The following DNAH1 variants were observed in gnomAD, a reference collection of about 807,000 sequenced individuals.
The protein encoded by DNAH1 is axonemal beta dynein heavy chain 1.
In DNAH1, 327 loss-of-function variants were observed where a neutral mutation model predicts 484.3. That is an observed-to-expected ratio of 0.68 (90% CI 0.62 to 0.74). The LOEUF (loss-of-function observed/expected upper bound fraction) is 0.74, where lower values mean the gene tolerates loss of function less well. Among genes scored for constraint, DNAH1 ranks in the 30% least tolerant of loss-of-function variants. The probability of loss-of-function intolerance (pLI) is 0.00; values close to 1 mark genes in which losing one functional copy is unlikely to be tolerated. For synonymous variants in DNAH1, 2,192 were observed against 2,191.9 expected, an observed-to-expected ratio of 1.00 and a Z score of 0.00; for missense variants, 5,052 against 5,546.8, an observed-to-expected ratio of 0.91 and a Z score of 2.83.
intron 8 of DNAH1, among the ~76,000 whole-genome samples, chr3:52,337,057 A>G (rs1701765785): frequency 6.6e-6 from 1 of 152,200 alleles, no homozygotes; most frequent in Non-Finnish European, 1.5e-5. Flanking sequence ...CTTCCAGTCC[A>G]TCAGCATGGA....
In DNAH1 at chr3:52,359,322, A is replaced by G; in HGVS notation, c.4343A>G (p.Glu1448Gly). 6.4e-7 allele frequency: 1 copy of G among 1,569,448 alleles called. No homozygotes were observed. Among genetic ancestry groups the G allele is most frequent in the Non-Finnish European group, 8.6e-7 (1 of 1,156,504 alleles). Residue 1448 changes from glutamate to glycine, a missense_variant, in exon 26 of 78, where the codon GAG becomes GGG. Glu to Gly is a moderately conservative substitution (Grantham distance 98). Coordinates refer to ENST00000420323, the MANE Select transcript of DNAH1 (RefSeq NM_015512.5). ...IAGCQTYWTMEVAEALEAGNL... is the reference protein window; with the variant it reads ...IAGCQTYWTMGVAEALEAGNL... Reference sequence around the variant, plus strand: ...GGGTGCCAGACCTACTGGACCATGGAGGTGGCAGAGGCTCTGGAGGCCGGC... The same window carrying G: ...GGGTGCCAGACCTACTGGACCATGGGGGTGGCAGAGGCTCTGGAGGCCGGC...
At position 52,380,125 on chromosome 3, in the gene DNAH1, GT is replaced by G; in HGVS notation, c.7599del (p.Ser2533ArgfsTer5). ...GTCAAGTCCTACGAGCTCATCACCA[GT>G]GAGAGTAAGGTGAGGGGCCCAGGCA... ...SDVKSYELIT[S>X]ESKMMQVIEE... On this transcript the variant is annotated frameshift_variant, in exon 48 of 78. Coordinates refer to ENST00000420323, the MANE Select transcript of DNAH1 (RefSeq NM_015512.5). LOFTEE classifies it high-confidence loss of function. The G allele has an allele frequency of 6.3e-7, 1 of 1,593,302 alleles. No homozygotes were observed. The highest frequency in any genetic ancestry group is 1.7e-4 in the Middle Eastern group (1 of 6,042).
At chr3:52,320,800 CTTT>C (rs556409465) in intron 1 of DNAH1, among the ~76,000 whole-genome samples, 30 of 125,016 alleles carry the variant, frequency 2.4e-4, no homozygotes, top group Middle Eastern at 4.3e-3. Flanking sequence ...TCTTTCTTTC[CTTT>C]TTTTTTTTTT....
At position 52,361,061 on chromosome 3, in the gene DNAH1, A is replaced by C; in HGVS notation, c.4686-103A>C. The C allele has an allele frequency of 8.4e-7, 1 of 1,187,786 alleles. No individual in the cohort carries two copies. Among genetic ancestry groups the C allele is most frequent in the Non-Finnish European group, 1.1e-6 (1 of 907,406 alleles). The allele number at this position is 1,187,786 out of a possible 1,614,324, so 73.6% of individuals were successfully genotyped here. A position where few individuals can be genotyped will look rare whatever the true frequency, so the allele number is the denominator to read the frequency against. On this transcript the variant is annotated intron_variant, in intron 28 of 77. Coordinates refer to ENST00000420323, the MANE Select transcript of DNAH1 (RefSeq NM_015512.5). The surrounding 1 kb of genome is among the most constrained non-coding windows in gnomAD (Gnocchi z 5.6). Reference sequence around the variant, plus strand: ...AGGGCTGGGCACACCCCAGCCCACCAAAAGGGGACGGGGCGAGAGGCCCCA... The same window carrying C: ...AGGGCTGGGCACACCCCAGCCCACCCAAAGGGGACGGGGCGAGAGGCCCCA...
chr3:52,367,292 A>T (rs148314768), intron 36 of DNAH1, among the ~76,000 whole-genome samples: 1 of 152,222 alleles, frequency 6.6e-6, no homozygotes, highest in African/African-American at 2.4e-5. Context: ...AGACGTCGGC[A>T]CCTCAGGGGC....
intron 22 of DNAH1, 53 bp downstream of exon 22, chr3:52,356,831 AC>A: frequency 6.5e-7 from 1 of 1,548,174 alleles, no homozygotes; most frequent in Non-Finnish European, 8.7e-7. Context: ...GGCCCTGGTC[AC>A]ATTGCTGGTA....
intron 6 of DNAH1, among the ~76,000 whole-genome samples, chr3:52,330,058 CCT>C (rs942924649): frequency 6.6e-6 from 1 of 152,170 alleles, no homozygotes; most frequent in Non-Finnish European, 1.5e-5. Context: ...AATCCGCCCA[CCT>C]CTGCCTCCCA....
In DNAH1 at chr3:52,346,704, GT is replaced by G; in HGVS notation, c.1891del (p.Cys631AlafsTer16). Reference protein sequence around the residue: ...ASFSQFISDTCCSVLNCTDDM... With the variant: ...ASFSQFISDTXCSVLNCTDDM... ...TTCTCACAGTTCATCAGCGACACCT[GT>G]TGCAGCGTGCTCAACTGCACCGATG... On this transcript the variant is annotated frameshift_variant, in exon 11 of 78. Transcript: ENST00000420323. LOFTEE classifies it high-confidence loss of function. 1 of 1,613,970 alleles carries G rather than the reference GT, an allele frequency of 6.2e-7. No individual in the cohort carries two copies. The highest frequency in any genetic ancestry group is 8.5e-7 in the Non-Finnish European group (1 of 1,179,846).
intron 52 of DNAH1, 81 bp downstream of exon 52, chr3:52,384,112 T>G: frequency 7.2e-7 from 1 of 1,383,580 alleles, no homozygotes; most frequent in Non-Finnish European, 9.6e-7. Context: ...AAGGTCTGGG[T>G]GAGATTCCCA....
At chr3:52,394,803 C>T (rs939205672) in intron 67 of DNAH1, 112 bp from the exon 68 acceptor site, 3 of 1,500,944 alleles carry the variant, frequency 2.0e-6, no homozygotes, top group Non-Finnish European at 2.7e-6. Flanking sequence ...CCTCCAGTGC[C>T]ATACCCCTGG....
chr3:52,347,766 GC>G, intron 11 of DNAH1, 57 bp from the exon 12 acceptor site: 4 of 1,479,694 alleles, frequency 2.7e-6, no homozygotes, highest in Non-Finnish European at 3.6e-6. Flanking sequence ...GCAGAGGGCT[GC>G]TCCTGCACAC....
intron 8 of DNAH1, among the ~76,000 whole-genome samples, chr3:52,342,376 G>A (rs978730702): frequency 5.9e-5 from 9 of 152,248 alleles, no homozygotes; most frequent in African/African-American, 1.7e-4. Flanking sequence ...TAGAGAATGA[G>A]TTGTAAGGGG....
chr3:52,312,572 G>A (rs1700816786), upstream of DNAH1, among the ~76,000 whole-genome samples: 1 of 151,752 alleles, frequency 6.6e-6, no homozygotes, highest in Non-Finnish European at 1.5e-5. Context: ...CTGGGTTCAG[G>A]CAGTTCTCCT....
rs578144335 is a variant in DNAH1 at position 52,332,576 on chromosome 3, T to A, written c.1286+182T>A. On this transcript the variant is annotated intron_variant, in intron 8 of 77. Coordinates refer to ENST00000420323, the MANE Select transcript of DNAH1 (RefSeq NM_015512.5). ...AATTTTTTGTTCATCTCCAGATCCCTCATTATCCATATGGACTCCTGGATC... is the reference window on the plus strand; with the variant it reads ...AATTTTTTGTTCATCTCCAGATCCCACATTATCCATATGGACTCCTGGATC... 7.2e-5 allele frequency among the ~76,000 whole-genome samples: 11 copies of A among 152,356 alleles called. No homozygotes were observed. The South Asian group carries it at 2.3e-3, about 32-fold the overall frequency.
At chr3:52,340,860 G>T (rs758957413) in intron 8 of DNAH1, among the ~76,000 whole-genome samples, 1 of 152,028 alleles carries the variant, frequency 6.6e-6, no homozygotes, top group African/African-American at 2.4e-5. Flanking sequence ...ACTGGAGATA[G>T]ATTTTTTTTT....
chr3:52,373,313 G>C (rs942991042), intron 44 of DNAH1, among the ~76,000 whole-genome samples: 3 of 150,714 alleles, frequency 2.0e-5, no homozygotes, highest in Non-Finnish European at 4.4e-5. Context: ...GGCGGTGGTG[G>C]CCGCGGGGGC....
At position 52,381,005 on chromosome 3, in the gene DNAH1, A is replaced by G. The variant is rs1452483456; in HGVS notation, c.7609-635A>G. The stretch of plus-strand genomic sequence containing the variant: ...GAGTCATATGAGTTATGGAGTTCAC[A>G]TGAGGACTGAAGGATTTGGGTGGGC... On this transcript the variant is annotated intron_variant, in intron 48 of 77. Coordinates refer to ENST00000420323, the MANE Select transcript of DNAH1 (RefSeq NM_015512.5). The surrounding 1 kb of genome is among the most constrained non-coding windows in gnomAD (Gnocchi z 4.1). Among the ~76,000 whole-genome samples the G allele has an allele frequency of 6.6e-6, 1 of 152,232 alleles. No individual in the cohort carries two copies. The highest frequency in any genetic ancestry group is 1.5e-5 in the Non-Finnish European group (1 of 68,034).
chr3:52,383,315 G>A lies in DNAH1; in HGVS notation c.7942-71G>A, dbSNP rs1215569826. 6 of 1,381,778 alleles carry A rather than the reference G, an allele frequency of 4.3e-6. No homozygotes were observed. The East Asian group carries it at 1.2e-4, about 27-fold the overall frequency. 85.6% of individuals were successfully genotyped at this position (1,381,778 alleles called of 1,614,324 possible). A position where few individuals can be genotyped will look rare whatever the true frequency, so the allele number is the denominator to read the frequency against. On this transcript the variant is annotated intron_variant, in intron 50 of 77. Transcript: ENST00000420323. ...TCTGTCAAATGGAGCTGTTGTGAAGGTCCAGCGAGACTGTGGTCATATAGT... is the reference window on the plus strand; with the variant it reads ...TCTGTCAAATGGAGCTGTTGTGAAGATCCAGCGAGACTGTGGTCATATAGT...
chr3:52,358,678 C>T lies in DNAH1; in HGVS notation c.4207C>T (p.Arg1403Cys), dbSNP rs763267782. 14 of 1,612,854 alleles carry T rather than the reference C, an allele frequency of 8.7e-6. No homozygotes were observed. Among genetic ancestry groups the T allele is most frequent in the South Asian group, 3.3e-5 (3 of 91,066 alleles). ...NVEDWLREVE[R>C]SMKASVHDII... ...GGAGGACTGGCTGCGGGAGGTGGAG[C>T]GCAGCATGAAGGCCAGTGTGCACGA... Residue 1403 changes from arginine (R) to cysteine (C), a missense_variant, in exon 25 of 78, where the codon CGC becomes TGC. Physicochemically the swap from Arg to Cys is radical, Grantham distance 180 (BLOSUM62 -3). Transcript: ENST00000420323. The surrounding 1 kb of genome is among the most constrained non-coding windows in gnomAD (Gnocchi z 4.2).
Sources: allele counts gnomAD v4.1 joint callset (sites outside exome capture counted in the v4.1 genomes callset), GRCh38; gene constraint gnomAD v4.1.1; non-coding constraint Gnocchi (gnomAD v3.1); transcripts MANE v1.5; gene names NCBI Gene and HGNC (gene_info 2026-07-23, HGNC 2026-07-21).